Variants in FETUB observed in about 807,000 individuals in gnomAD.
FETUB encodes the protein fetuin B, also known as fetuin-B.
A neutral mutation model predicts 30.9 loss-of-function variants in FETUB; 28 were observed. That is an observed-to-expected ratio of 0.90 (90% CI 0.67 to 1.24). The LOEUF is 1.24. FETUB is among the 50% of genes most tolerant of loss of function. The pLI, the probability that FETUB is intolerant of heterozygous loss-of-function variation, is 0.00. For synonymous variants in FETUB, 186 were observed against 175.9 expected (o/e 1.06, Z -0.45); for missense variants, 469 against 455.3 (o/e 1.03, Z -0.27).
intron 3 of FETUB, among the ~76,000 whole-genome samples, chr3:186,643,606 A>G (rs1717251130): frequency 6.6e-6 from 1 of 152,234 alleles, no homozygotes; most frequent in African/African-American, 2.4e-5. Context: ...TTGTGAAGGC[A>G]AGATTCACAG....
At chr3:186,646,433 G>A (rs1717551653) in intron 5 of FETUB, 84 bp downstream of exon 5, 3 of 1,017,540 alleles carry the variant, frequency 2.9e-6, no homozygotes, top group Middle Eastern at 2.1e-4. Flanking sequence ...CATATGAGGT[G>A]TCATAAGGCA....
intron 5 of FETUB, among the ~76,000 whole-genome samples, chr3:186,647,615 TTATTATC>T (rs1484811513): frequency 1.3e-5 from 2 of 152,212 alleles, no homozygotes; most frequent in Admixed American, 6.5e-5. Flanking sequence ...TTTAATGTGT[TTATTATC>T]CATTAGTATG....
Position 186,640,542 on chromosome 3 carries a change from C to G in FETUB, c.82C>G (p.Pro28Ala), listed in dbSNP as rs746056838. 6.2e-7 allele frequency: 1 copy of G among 1,614,214 alleles called. No individual in the cohort carries two copies. The highest frequency in any genetic ancestry group is 8.5e-7 in the Non-Finnish European group (1 of 1,180,032). The stretch of plus-strand genomic sequence containing the variant: ...GTCTCCACCCCAGCTGGCCCTCAAC[C>G]CCTCGGCTCTGCTCTCCCGGGGCTG... ...AMSPPQLALN[P>A]SALLSRGCND... The change falls in exon 1 of 7, where the codon CCC becomes GCC. Residue 28 changes from proline (P) to alanine (A), a missense_variant. Pro to Ala is a conservative substitution (Grantham distance 27). Transcript: ENST00000265029.
chr3:186,642,260 G>C, intron 2 of FETUB: 3 of 533,206 alleles, frequency 5.6e-6, no homozygotes, highest in Admixed American at 3.5e-5. Flanking sequence ...AGTCACACGT[G>C]TTGGGGAGGC....
intron 3 of FETUB, among the ~76,000 whole-genome samples, chr3:186,642,933 T>G (rs1040542195): frequency 4.6e-5 from 7 of 152,234 alleles, no homozygotes; most frequent in African/African-American, 1.7e-4. Flanking sequence ...TTTCTGAACA[T>G]GCACTGCAAT....
chr3:186,652,777 G>A lies in FETUB; in HGVS notation c.*146G>A. 1.0e-6 allele frequency: 1 copy of A among 960,808 alleles called. No individual in the cohort carries two copies. Among genetic ancestry groups the A allele is most frequent in the Non-Finnish European group, 1.5e-6 (1 of 669,094 alleles). 59.5% of individuals were successfully genotyped at this position (960,808 alleles called of 1,614,324 possible). On this transcript the variant is annotated 3_prime_UTR_variant, in exon 7 of 7. Transcript: ENST00000265029. Reference sequence around the variant, plus strand: ...TCTTCTTGGTCTCAGCATGTTGACTGGGATTGGAAATAATGAGACTGAGCC... The same window carrying A: ...TCTTCTTGGTCTCAGCATGTTGACTAGGATTGGAAATAATGAGACTGAGCC...
chr3:186,650,249 T>C (rs997683801), intron 5 of FETUB, among the ~76,000 whole-genome samples: 3 of 151,580 alleles, frequency 2.0e-5, no homozygotes, highest in Admixed American at 6.6e-5. Context: ...TTTAGATAAA[T>C]TTAGTAAATT....
chr3:186,644,761 A>G lies in FETUB; in HGVS notation c.435A>G (p.Lys145=), dbSNP rs1037279428. ...TATTGGCATCAACAGTTTCAAAAAA[A>G]AAGATTTACATGACGTGCCCTGACT... The part of the protein sequence containing the change: ...YNCTLRPVSK[K]KIYMTCPDCP... Residue 145 remains lysine (K), a synonymous_variant, in exon 4 of 7, where the codon AAA becomes AAG. Coordinates refer to ENST00000265029, the MANE Select transcript of FETUB (RefSeq NM_014375.3). 9.4e-6 allele frequency: 15 copies of G among 1,589,604 alleles called. No homozygotes were observed. Among genetic ancestry groups the G allele is most frequent in the Non-Finnish European group, 1.2e-5 (14 of 1,173,504 alleles).
chr3:186,646,390 G>T, intron 5 of FETUB, 41 bp downstream of exon 5: 2 of 1,394,334 alleles, frequency 1.4e-6, no homozygotes, highest in East Asian at 4.6e-5. Flanking sequence ...AGTGTTCACA[G>T]ATCATCTCTA....
intron 5 of FETUB, chr3:186,647,175 G>A (rs551812491): frequency 6.6e-6 from 1 of 152,242 alleles, no homozygotes; most frequent in East Asian, 1.9e-4. Context: ...ATAAATAAAT[G>A]TAGTTTTACC....
intron 6 of FETUB, 93 bp downstream of exon 6, chr3:186,651,394 C>T: frequency 1.2e-6 from 1 of 854,550 alleles, no homozygotes; most frequent in Non-Finnish European, 1.9e-6. Context: ...TTGATTTTCC[C>T]AACCACCTTG....
In FETUB at chr3:186,641,054, C is replaced by T. The variant is rs1560019647; in HGVS notation, c.250C>T (p.Leu84Phe). The change falls in exon 2 of 7, where the codon CTT becomes TTT. Residue 84 changes from leucine to phenylalanine, a missense_variant. Leu to Phe is a conservative substitution (Grantham distance 22). Coordinates refer to ENST00000265029, the MANE Select transcript of FETUB (RefSeq NM_014375.3). ...RRGGLGSLFY[L>F]TLDVLETDCH... Reference sequence around the variant, plus strand: ...GGGTGGCCTGGGATCTCTGTTCTATCTTACACTGGATGTGCTAGAGACTGA... The same window carrying T: ...GGGTGGCCTGGGATCTCTGTTCTATTTTACACTGGATGTGCTAGAGACTGA... The T allele has an allele frequency of 1.2e-6, 2 of 1,613,624 alleles. No individual in the cohort carries two copies. Among genetic ancestry groups the T allele is most frequent in the Middle Eastern group, 1.6e-4 (1 of 6,062 alleles).
chr3:186,642,192 G>A, intron 2 of FETUB: 1 of 348,810 alleles, frequency 2.9e-6, no homozygotes, highest in South Asian at 3.5e-5. Flanking sequence ...AGCCAGATCT[G>A]GAAATGGTTA....
At chr3:186,638,725 A>G (rs1423202558), upstream of FETUB, among the ~76,000 whole-genome samples, 8 of 152,166 alleles carry the variant, frequency 5.3e-5, no homozygotes, top group Admixed American at 4.6e-4. Context: ...TAAGTCTAAT[A>G]TATTCCTCAG....
chr3:186,646,794 G>A (rs1717583040), intron 5 of FETUB, among the ~76,000 whole-genome samples: 1 of 152,148 alleles, frequency 6.6e-6, no homozygotes, highest in African/African-American at 2.4e-5. Context: ...GTGCAACTGG[G>A]CAAAATGCAC....
At chr3:186,642,149 T>C (rs534673947) in intron 2 of FETUB, 25 of 268,702 alleles carry the variant, frequency 9.3e-5, no homozygotes, top group African/African-American at 3.2e-4. Flanking sequence ...AGAAAGAGCA[T>C]AGAGGACAGT....
At position 186,646,240 on chromosome 3, in the gene FETUB, C is replaced by T. The variant is rs868842102; in HGVS notation, c.595-8C>T. Reference sequence around the variant, plus strand: ...GATTTTTATGTCTCAACTCTTGTCTCATAACAGTGGGTGGTCGGCCCTTCT... The same window carrying T: ...GATTTTTATGTCTCAACTCTTGTCTTATAACAGTGGGTGGTCGGCCCTTCT... On this transcript the variant is annotated splice_region_variant and splice_polypyrimidine_tract_variant and intron_variant, in intron 4 of 6. Coordinates refer to ENST00000265029, the MANE Select transcript of FETUB (RefSeq NM_014375.3). 3.7e-6 allele frequency: 6 copies of T among 1,601,468 alleles called. No individual in the cohort carries two copies. The South Asian group carries it at 5.5e-5, about 15-fold the overall frequency.
At chr3:186,644,344 G>A (rs990180058) in intron 3 of FETUB, among the ~76,000 whole-genome samples, 2 of 152,126 alleles carry the variant, frequency 1.3e-5, no homozygotes, top group Admixed American at 6.5e-5. Flanking sequence ...ACTAAGCACT[G>A]CCTATGTATC....
At chr3:186,648,604 C>T (rs1220811375) in intron 5 of FETUB, among the ~76,000 whole-genome samples, 4 of 152,148 alleles carry the variant, frequency 2.6e-5, no homozygotes, top group Non-Finnish European at 5.9e-5. Flanking sequence ...GTCATCTTAA[C>T]AATATTAAGT....
Sources: gnomAD v4.1 joint callset for allele counts (sites outside exome capture counted in the v4.1 genomes callset) on GRCh38, gnomAD v4.1.1 for gene constraint, MANE v1.5 for transcripts, NCBI Gene and HGNC (gene_info 2026-07-23, HGNC 2026-07-21) for gene names.